The following CHN2 variants were observed in gnomAD, a reference collection of about 807,000 sequenced individuals.
CHN2 encodes the protein chimerin 2.
CHN2 carries 35 observed loss-of-function variants against 56.3 expected under a neutral mutation model. The observed-to-expected ratio is 0.62, with a 90% CI of 0.47 to 0.82. CHN2 has a LOEUF of 0.82. CHN2 is among the 40% of genes least tolerant of loss of function. The pLI, the probability that CHN2 is intolerant of heterozygous loss-of-function variation, is 0.00. For synonymous variants in CHN2, 210 were observed against 212.8 expected, an observed-to-expected ratio of 0.99 and a Z score of 0.12; for missense variants, 491 against 580.5, an observed-to-expected ratio of 0.85 and a Z score of 1.58.
At chr7:29,459,477 C>G (rs989992698) in intron 6 of CHN2, among the ~76,000 whole-genome samples, 1 of 152,148 alleles carries the variant, frequency 6.6e-6, no homozygotes, top group Non-Finnish European at 1.5e-5. Flanking sequence ...GAGCTCGCCT[C>G]CCCTGCAGGT....
intron 2 of CHN2, among the ~76,000 whole-genome samples, chr7:29,169,383 T>G (rs1320806115): frequency 1.3e-5 from 2 of 152,206 alleles, no homozygotes; most frequent in Admixed American, 6.5e-5. Context: ...TCCATTTTCA[T>G]ACCCCTCTAA....
intron 1 of CHN2, among the ~76,000 whole-genome samples, chr7:29,237,686 C>T (rs1787304772): frequency 6.6e-6 from 1 of 152,164 alleles, no homozygotes; most frequent in Admixed American, 6.5e-5. Context: ...AGGAGATCAG[C>T]TCTGAGCCAG....
intron 2 of CHN2, among the ~76,000 whole-genome samples, chr7:29,180,360 T>A (rs1030274752): frequency 6.6e-6 from 1 of 152,072 alleles, no homozygotes; most frequent in African/African-American, 2.4e-5. Flanking sequence ...ACCCTATCTC[T>A]ACTAAAAATA....
chr7:29,194,772 TC>T (rs1408775246), upstream of CHN2: 1 of 484,308 alleles, frequency 2.1e-6, no homozygotes, highest in East Asian at 3.7e-5. Context: ...CAGCGCGTCA[TC>T]TGGTGGAGCA....
intron 1 of CHN2, among the ~76,000 whole-genome samples, chr7:29,329,479 A>G (rs569661470): frequency 6.7e-5 from 10 of 148,684 alleles, no homozygotes; most frequent in South Asian, 6.3e-4. Context: ...TTGATCACCT[A>G]TCTTCTCTGG....
At chr7:29,466,170 C>T (rs930144231) in intron 6 of CHN2, among the ~76,000 whole-genome samples, 1 of 151,870 alleles carries the variant, frequency 6.6e-6, no homozygotes, top group African/African-American at 2.4e-5. Context: ...CCACTGCACT[C>T]CAGCCTGGGA....
chr7:29,251,532 A>G (rs905875674), intron 1 of CHN2, among the ~76,000 whole-genome samples: 4 of 152,354 alleles, frequency 2.6e-5, no homozygotes, highest in Non-Finnish European at 4.4e-5. Flanking sequence ...TAGTGTTGTT[A>G]TAGGGATGAG....
intron 1 of CHN2, among the ~76,000 whole-genome samples, chr7:29,296,999 T>C (rs562088800): frequency 6.6e-5 from 10 of 152,370 alleles, no homozygotes; most frequent in Non-Finnish European, 1.5e-4. Flanking sequence ...GAAGGGGATC[T>C]GTCCTAACGT....
At chr7:29,203,552 T>C (rs1201485108) in intron 1 of CHN2, among the ~76,000 whole-genome samples, 1 of 150,962 alleles carries the variant, frequency 6.6e-6, no homozygotes, top group African/African-American at 2.4e-5. Context: ...TTTTTAAAAA[T>C]GTGTTTAAGG....
At chr7:29,471,982 TAACA>T (rs1786090311) in intron 6 of CHN2, among the ~76,000 whole-genome samples, 1 of 152,084 alleles carries the variant, frequency 6.6e-6, no homozygotes. Context: ...ACAAAGAATA[TAACA>T]AACAGGGCAA....
chr7:29,348,163 CA>C (rs536494632), intron 1 of CHN2, among the ~76,000 whole-genome samples: 60 of 152,264 alleles, frequency 3.9e-4, no homozygotes, highest in African/African-American at 1.4e-3. Flanking sequence ...GCTTTTATGC[CA>C]CCTATTCCCT....
At chr7:29,359,241 A>G (rs1798547159) in intron 2 of CHN2, among the ~76,000 whole-genome samples, 1 of 152,220 alleles carries the variant, frequency 6.6e-6, no homozygotes, top group Non-Finnish European at 1.5e-5. Flanking sequence ...GTATAACATG[A>G]TTGGAAAATT....
chr7:29,209,175 C>T (rs1204823271), intron 1 of CHN2, among the ~76,000 whole-genome samples: 1 of 152,068 alleles, frequency 6.6e-6, no homozygotes, highest in East Asian at 1.9e-4. Flanking sequence ...GGTCCAGCCT[C>T]TCCTGAAGGG....
intron 1 of CHN2, among the ~76,000 whole-genome samples, chr7:29,268,407 G>T (rs1280459948): frequency 1.2e-4 from 18 of 151,586 alleles, no homozygotes; most frequent in Non-Finnish European, 2.5e-4. Context: ...AAAAAGTACT[G>T]TGTGCATTTT....
chr7:29,204,007 G>T (rs148957318), intron 1 of CHN2, among the ~76,000 whole-genome samples: 160 of 152,048 alleles, frequency 1.1e-3, no homozygotes, highest in Non-Finnish European at 1.8e-3. Flanking sequence ...AAGAAAGCCT[G>T]CAATGCTATG....
At position 29,512,181 on chromosome 7, in the gene CHN2, G is replaced by GAA. The variant is rs33957178; in HGVS notation, c.1236-374_1236-373dup. On this transcript the variant is annotated intron_variant, in intron 12 of 12. Transcript: ENST00000222792. Reference sequence around the variant, plus strand: ...CAGACCAGCAGGAAGCCACAAGAGGGAAAAAAAAAACGCCTTCTGTATAAG... The same window carrying GAA: ...CAGACCAGCAGGAAGCCACAAGAGGGAAAAAAAAAAAACGCCTTCTGTATAAG... Among the ~76,000 whole-genome samples the GAA allele has an allele frequency of 2.1e-5, 3 of 142,580 alleles. No individual in the cohort carries two copies. The East Asian group carries it at 6.1e-4, about 29-fold the overall frequency. The allele number at this position is 142,580 out of a possible 152,430, so 93.5% of individuals were successfully genotyped here. A position where few individuals can be genotyped will look rare whatever the true frequency, so the allele number is the denominator to read the frequency against.
At chr7:29,431,963 C>T (rs970363247) in intron 6 of CHN2, among the ~76,000 whole-genome samples, 7 of 152,260 alleles carry the variant, frequency 4.6e-5, no homozygotes, top group Admixed American at 1.3e-4. Flanking sequence ...TGCGGGCTGA[C>T]AGCCTTGGGA....
At chr7:29,163,829 T>C (rs1444356497) in intron 2 of CHN2, among the ~76,000 whole-genome samples, 1 of 152,226 alleles carries the variant, frequency 6.6e-6, no homozygotes, top group Non-Finnish European at 1.5e-5. Context: ...ACTTTAAGAT[T>C]CATCTATGTT....
rs1373782370 is a variant in CHN2 at position 29,285,288 on chromosome 7, T to C, written c.50-69337T>C. 2.6e-5 allele frequency among the ~76,000 whole-genome samples: 4 copies of C among 152,260 alleles called. No individual in the cohort carries two copies. In the East Asian group the frequency reaches 7.7e-4, roughly 29 times the overall value. On this transcript the variant is annotated intron_variant, in intron 1 of 12. Coordinates refer to ENST00000222792, the MANE Select transcript of CHN2 (RefSeq NM_004067.4). ...AGGTGATACACAGAGCAAATGGAAC[T>C]CTTTTTCCATAGGAGAATGCATCAC...
Sources: allele counts gnomAD v4.1 joint callset (sites outside exome capture counted in the v4.1 genomes callset), GRCh38; gene constraint gnomAD v4.1.1; transcripts MANE v1.5; gene names NCBI Gene and HGNC (gene_info 2026-07-23, HGNC 2026-07-21).